MCF2: variants seen among roughly 807,000 people sequenced by gnomAD.
The protein encoded by MCF2 is proto-oncogene DBL.
MCF2 carries 44 observed loss-of-function variants against 82.5 expected under a neutral mutation model. The ratio of observed to expected loss-of-function variants is 0.53; its 90% CI spans 0.42 to 0.69. The LOEUF is 0.69. MCF2 is among the 30% of genes least tolerant of loss of function. The probability of loss-of-function intolerance (pLI) is 0.00; values close to 1 mark genes in which losing one functional copy is unlikely to be tolerated. For synonymous variants in MCF2, 217 were observed against 224.9 expected (o/e 0.96, Z 0.32); for missense variants, 623 against 663.1 (o/e 0.94, Z 0.66).
chrX:139,664,622 C>A (rs1334654144), intron 1 of MCF2, among the ~76,000 whole-genome samples: 1 of 112,522 alleles, frequency 8.9e-6, no homozygotes, highest in Non-Finnish European at 1.9e-5. Context: ...AGAGGCAAGG[C>A]CTGGAATCAG....
rs182037774 is a variant in MCF2, at chrX:139,696,485, G to A, written c.-45+11621C>T. Among the ~76,000 whole-genome samples the A allele has an allele frequency of 6.5e-3, 717 of 110,853 alleles. 3 individuals carry two copies. The highest frequency in any genetic ancestry group is 0.022 in the African/African-American group (656 of 30,490). On this transcript the variant is annotated intron_variant, in intron 1 of 27. Coordinates refer to the MCF2 transcript ENST00000414978. ...GTCACCCAGGCTGGAGCGCAGTGGC[G>A]CAATCTCAGCTCACTGCAACCTCCA...
At chrX:139,679,485 C>A (rs1934950240) in intron 1 of MCF2, among the ~76,000 whole-genome samples, 1 of 111,407 alleles carries the variant, frequency 9.0e-6, no homozygotes, top group Admixed American at 9.6e-5. Context: ...TTTCAACAAA[C>A]CTTTGTTAGG....
intron 1 of MCF2, among the ~76,000 whole-genome samples, chrX:139,673,124 T>G (rs142775270): frequency 0.014 from 1,553 of 112,091 alleles, 24 homozygotes; most frequent in African/African-American, 0.048. Flanking sequence ...TAGTATTCTC[T>G]AATGGTAGTT....
intron 12 of MCF2, 139 bp downstream of exon 16, chrX:139,607,552 G>T: frequency 5.5e-6 from 2 of 361,265 alleles, no homozygotes; most frequent in South Asian, 1.1e-4. Flanking sequence ...AGGTTGGCCA[G>T]GCCTAAATCC....
chrX:139,646,060 T>C (rs148496410), upstream of MCF2, among the ~76,000 whole-genome samples: 61 of 111,844 alleles, frequency 5.5e-4, no homozygotes, highest in African/African-American at 1.9e-3. Flanking sequence ...CACTGCTAAA[T>C]CTATTTTTCT....
At chrX:139,683,709 C>A (rs1209492284) in intron 1 of MCF2, among the ~76,000 whole-genome samples, 1 of 111,494 alleles carries the variant, frequency 9.0e-6, no homozygotes, top group Non-Finnish European at 1.9e-5. Context: ...ATCCAGGGCA[C>A]CAAGACATTT....
chrX:139,607,545 T>A (rs41300934), intron 12 of MCF2, 146 bp downstream of exon 16: 142,681 of 326,740 alleles, frequency 0.44, 24,681 homozygotes, highest in Non-Finnish European at 0.51. Flanking sequence ...AGGCTATAGG[T>A]TGGCCAGGCC....
chrX:139,670,146 A>G (rs1205228275), intron 1 of MCF2, among the ~76,000 whole-genome samples: 2 of 108,950 alleles, frequency 1.8e-5, no homozygotes, highest in African/African-American at 7.1e-5. Flanking sequence ...TTTTCCACTT[A>G]TCTTTTCAAA....
chrX:139,687,384 T>C (rs1436742681), intron 1 of MCF2, among the ~76,000 whole-genome samples: 2 of 113,404 alleles, frequency 1.8e-5, no homozygotes, highest in Non-Finnish European at 3.7e-5. Flanking sequence ...AGGAGCTAAC[T>C]GTCTCTGGAA....
chrX:139,633,210 C>T (rs765806966), intron 1 of MCF2, among the ~76,000 whole-genome samples: 2 of 111,271 alleles, frequency 1.8e-5, no homozygotes, highest in Admixed American at 1.9e-4. Context: ...GTTTCCCCAG[C>T]GTCTAGAACT....
At chrX:139,627,669 A>G (rs1932794902) in intron 4 of MCF2, among the ~76,000 whole-genome samples, 1 of 111,700 alleles carries the variant, frequency 9.0e-6, no homozygotes, top group Non-Finnish European at 1.9e-5. Context: ...CGAAGTACCA[A>G]CTATGTACGG....
chrX:139,691,309 G>A (rs1375187885), intron 1 of MCF2, among the ~76,000 whole-genome samples: 4 of 111,217 alleles, frequency 3.6e-5, no homozygotes, highest in African/African-American at 9.8e-5. Flanking sequence ...GCTGGTTTCC[G>A]AACCTGAGTG....
chrX:139,688,373 A>T (rs1296611664), intron 1 of MCF2, among the ~76,000 whole-genome samples: 1 of 111,916 alleles, frequency 8.9e-6, no homozygotes, highest in Non-Finnish European at 1.9e-5. Flanking sequence ...AAGGGGAAAA[A>T]GTCAGGCACT....
At chrX:139,672,419 T>C (rs1464227014) in intron 1 of MCF2, among the ~76,000 whole-genome samples, 1 of 112,734 alleles carries the variant, frequency 8.9e-6, no homozygotes, top group East Asian at 2.8e-4. Context: ...GCTTCCAGTT[T>C]TTGCCCATTC....
exon 24 of MCF2, chrX:139,585,136 G>A (rs1359741267): frequency 1.7e-6 from 2 of 1,203,156 alleles, no homozygotes; most frequent in Non-Finnish European, 2.2e-6. Flanking sequence ...CCATTCCGCA[G>A]GTTCTTCAGA....
At chrX:139,630,230 T>C (rs1174314850) in intron 3 of MCF2, among the ~76,000 whole-genome samples, 1 of 111,809 alleles carries the variant, frequency 8.9e-6, no homozygotes, top group Non-Finnish European at 1.9e-5. Context: ...ACCTTACTTC[T>C]GAAGAGAGAT....
intron 19 of MCF2, among the ~76,000 whole-genome samples, chrX:139,592,890 C>T (rs771976125): frequency 3.7e-4 from 41 of 111,890 alleles, no homozygotes; most frequent in African/African-American, 1.1e-3. Context: ...GCAAGGCCTG[C>T]TTACAGGTAG....
intron 13 of MCF2, 63 bp downstream of exon 17, chrX:139,605,650 C>A (rs937537783): frequency 6.9e-6 from 7 of 1,009,191 alleles, no homozygotes; most frequent in Non-Finnish European, 9.6e-6. Flanking sequence ...TAAACACTTT[C>A]TAATGAATGT....
At chrX:139,654,833 T>C (rs140104643) in intron 1 of MCF2, among the ~76,000 whole-genome samples, 2,636 of 112,097 alleles carry the variant, frequency 0.024, 72 homozygotes, top group African/African-American at 0.081. Flanking sequence ...TGGTGAGAGA[T>C]AGGGATCTAG....
Sources: allele counts gnomAD v4.1 joint callset (sites outside exome capture counted in the v4.1 genomes callset), GRCh38; gene constraint gnomAD v4.1.1; transcripts MANE v1.5; gene names NCBI Gene and HGNC (gene_info 2026-07-23, HGNC 2026-07-21).